ABCA8: variants seen among roughly 807,000 people sequenced by gnomAD.
ABCA8 encodes ATP binding cassette subfamily A member 8.
Under a neutral mutation model 192.3 loss-of-function variants are expected in ABCA8, and 177 were observed. The ratio of observed to expected loss-of-function variants is 0.92; its 90% CI spans 0.81 to 1.04. The LOEUF (loss-of-function observed/expected upper bound fraction) is 1.04, where lower values mean the gene tolerates loss of function less well. Ranked by LOEUF, ABCA8 falls within the 50% of genes least tolerant of loss-of-function variation. The pLI, the probability that ABCA8 is intolerant of heterozygous loss-of-function variation, is 0.00. For missense variants in ABCA8, 1,915 were observed against 1,904.8 expected (o/e 1.01, Z -0.10); for synonymous variants, 642 against 690.2 (o/e 0.93, Z 1.09).
chr17:68,925,540 T>C (rs1261070047), intron 10 of ABCA8, among the ~76,000 whole-genome samples: 2 of 152,324 alleles, frequency 1.3e-5, no homozygotes, highest in African/African-American at 2.4e-5. Flanking sequence ...TTCTTCATAT[T>C]AGGAAACATT....
In ABCA8 at chr17:68,887,120, G is replaced by A. The variant is rs752567541; in HGVS notation, c.3326C>T (p.Ala1109Val). 4 of 1,598,792 alleles carry A rather than the reference G, an allele frequency of 2.5e-6. No homozygotes were observed. In the Admixed American group the frequency reaches 6.9e-5, roughly 28 times the overall value. ...GATGAGGGAAAAGGAATAACCAACA[G>A]CACATGGGATCTAAAATCAACAGGA... ...TIIHIIQIPC[A>V]VGYSFSLIFM... Residue 1109 changes from alanine (A) to valine (V), a missense_variant, in exon 26 of 40, where the codon GCT becomes GTT. By Grantham distance (64) the Ala-to-Val change is moderately conservative (BLOSUM62 0). Coordinates refer to ENST00000586539, the MANE Select transcript of ABCA8 (RefSeq NM_001288985.2).
intron 20 of ABCA8, among the ~76,000 whole-genome samples, chr17:68,903,090 G>A (rs1362212270): frequency 1.3e-5 from 2 of 152,026 alleles, no homozygotes; most frequent in Non-Finnish European, 2.9e-5. Flanking sequence ...GTTGCTTTTT[G>A]GCCATTGGAT....
intron 14 of ABCA8, 95 bp downstream of exon 14, chr17:68,919,206 G>T: frequency 8.5e-7 from 1 of 1,177,270 alleles, no homozygotes; most frequent in Non-Finnish European, 1.2e-6. Flanking sequence ...ATTGTACAAT[G>T]ATTTGCGCAC....
intron 12 of ABCA8, 38 bp downstream of exon 12, chr17:68,922,204 T>TTTTTTTTTTTG: frequency 2.1e-5 from 1 of 48,096 alleles, no homozygotes; most frequent in Non-Finnish European, 4.1e-5. Flanking sequence ...CTTTTTTTTT[T>TTTTTTTTTTTG]TTTTTTTTTT....
chr17:68,901,097 T>G (rs2066897518), intron 21 of ABCA8, among the ~76,000 whole-genome samples: 2 of 152,214 alleles, frequency 1.3e-5, no homozygotes, highest in South Asian at 4.1e-4. Context: ...CAATCTCAGT[T>G]GAAAATGTGT....
chr17:68,921,726 T>G (rs1270214737), intron 12 of ABCA8, among the ~76,000 whole-genome samples: 1 of 152,214 alleles, frequency 6.6e-6, no homozygotes, highest in Non-Finnish European at 1.5e-5. Flanking sequence ...TTACTTAGTT[T>G]AAATGAATGA....
rs551606920 is a variant in ABCA8, at chr17:68,929,229, A to G, written c.945T>C (p.Ala315=). The stretch of plus-strand genomic sequence containing the variant: ...CCAAGATGCTCATTAAGAAAGCCAA[A>G]GCTACCTAAAATGAGAGAAGATCTA... ...LFLLYGLSLV[A]LAFLMSILVK... Residue 315 remains alanine (A), a synonymous_variant, in exon 9 of 40, where the codon GCT becomes GCC. Coordinates refer to ENST00000586539, the MANE Select transcript of ABCA8 (RefSeq NM_001288985.2). The G allele has an allele frequency of 6.3e-6, 10 of 1,589,726 alleles. No individual in the cohort carries two copies. The Admixed American group carries it at 7.1e-5, about 11-fold the overall frequency.
Position 68,887,326 on chromosome 17 carries a change from T to G in ABCA8, c.3315+10A>C. 6.3e-7 allele frequency: 1 copy of G among 1,583,778 alleles called. No homozygotes were observed. Among genetic ancestry groups the G allele is most frequent in the East Asian group, 2.2e-5 (1 of 44,548 alleles). Reference sequence around the variant, plus strand: ...TGAATATTGTCACTTACTTGGATATTGTCACTTACTTGAATAATATGAATT... The same window carrying G: ...TGAATATTGTCACTTACTTGGATATGGTCACTTACTTGAATAATATGAATT... On this transcript the variant is annotated intron_variant, in intron 25 of 39. Coordinates refer to ENST00000586539, the MANE Select transcript of ABCA8 (RefSeq NM_001288985.2).
chr17:68,942,809 A>C (rs1013766859), intron 2 of ABCA8, among the ~76,000 whole-genome samples: 20 of 152,284 alleles, frequency 1.3e-4, no homozygotes, highest in African/African-American at 4.6e-4. Flanking sequence ...CCATCTTTAT[A>C]GTTATTCTCC....
intron 1 of ABCA8, among the ~76,000 whole-genome samples, chr17:68,954,355 T>C (rs957430693): frequency 6.6e-6 from 1 of 152,078 alleles, no homozygotes; most frequent in African/African-American, 2.4e-5. Flanking sequence ...GCTACAGTCT[T>C]AGGTAGCATG....
At chr17:68,891,730 A>T in intron 23 of ABCA8, 134 bp from the exon 24 acceptor site, 1 of 597,062 alleles carries the variant, frequency 1.7e-6, no homozygotes, top group East Asian at 3.1e-5. Flanking sequence ...AGATTCCTTC[A>T]TTATCCTTCC....
chr17:68,904,172 C>T (rs2066993455), intron 19 of ABCA8, among the ~76,000 whole-genome samples: 1 of 151,794 alleles, frequency 6.6e-6, no homozygotes, highest in East Asian at 1.9e-4. Flanking sequence ...GTCGCAGCTA[C>T]TCGGGAAGCT....
At chr17:68,869,185 G>T (rs1567812603) in intron 38 of ABCA8, among the ~76,000 whole-genome samples, 1 of 152,128 alleles carries the variant, frequency 6.6e-6, no homozygotes, top group Non-Finnish European at 1.5e-5. Context: ...GCACAGTTCA[G>T]AGTAGCAGAG....
rs775200280 is a variant in ABCA8, at chr17:68,932,511, T to TG, written c.573dup (p.Thr192HisfsTer32). 1.0e-4 allele frequency: 163 copies of TG among 1,606,806 alleles called. No individual in the cohort carries two copies. The highest frequency in any genetic ancestry group is 1.3e-4 in the Non-Finnish European group (150 of 1,173,866). ...TCCTCCATCACTGAGTGATTTGTTG[T>TG]GATCTGAAGAAAGGCATTAATAAGC... On this transcript the variant is annotated frameshift_variant, in exon 7 of 40. Transcript: ENST00000586539. LOFTEE classifies it high-confidence loss of function.
intron 11 of ABCA8, among the ~76,000 whole-genome samples, chr17:68,922,611 C>T (rs554326335): frequency 6.6e-6 from 1 of 152,204 alleles, no homozygotes; most frequent in African/African-American, 2.4e-5. Context: ...CACCTCTGAA[C>T]TGCAAAGCTA....
intron 13 of ABCA8, among the ~76,000 whole-genome samples, chr17:68,920,229 C>T (rs909557650): frequency 1.3e-5 from 2 of 151,930 alleles, no homozygotes; most frequent in Non-Finnish European, 2.9e-5. Flanking sequence ...AAAGGCAAAT[C>T]ACAGACACTG....
intron 7 of ABCA8, chr17:68,931,712 C>A (rs1295706036): frequency 6.7e-6 from 1 of 150,352 alleles, no homozygotes; most frequent in African/African-American, 2.4e-5. Flanking sequence ...ATTAAATGAC[C>A]AGCCTCTCTA....
chr17:68,936,820 G>A (rs1282719493), intron 5 of ABCA8, 131 bp downstream of exon 5: 1 of 715,466 alleles, frequency 1.4e-6, no homozygotes, highest in African/African-American at 1.9e-5. Flanking sequence ...TTTTTTAAAT[G>A]TTGAGGGACA....
chr17:68,881,973 A>T lies in ABCA8; in HGVS notation c.3836T>A (p.Val1279Asp), dbSNP rs1354395862. ...CTTGCGTAGACAGCTGGCAATGATGACTGGCTTCTGTAAATGACAAGAAGT... is the reference window on the plus strand; with the variant it reads ...CTTGCGTAGACAGCTGGCAATGATGTCTGGCTTCTGTAAATGACAAGAAGT... ...LNSTNFDEKP[V>D]IIASCLRKEY... Residue 1279 changes from valine (V) to aspartate (D), a missense_variant, in exon 31 of 40, where the codon GTC (valine) becomes GAC (aspartate). Coordinates refer to ENST00000586539, the MANE Select transcript of ABCA8 (RefSeq NM_001288985.2). The T allele has an allele frequency of 6.2e-7, 1 of 1,612,954 alleles. No individual in the cohort carries two copies. Among genetic ancestry groups the T allele is most frequent in the African/African-American group, 1.3e-5 (1 of 74,906 alleles).
Sources: gnomAD v4.1 joint callset for allele counts (sites outside exome capture counted in the v4.1 genomes callset) on GRCh38, gnomAD v4.1.1 for gene constraint, MANE v1.5 for transcripts, NCBI Gene and HGNC (gene_info 2026-07-23, HGNC 2026-07-21) for gene names.